Variants in RNLS observed in about 807,000 individuals in gnomAD.
RNLS encodes renalase.
In RNLS, 39 loss-of-function variants were observed where a neutral mutation model predicts 39.8. The observed-to-expected ratio is 0.98, with a 90% CI of 0.76 to 1.28. The LOEUF (loss-of-function observed/expected upper bound fraction) is 1.28, where lower values mean the gene tolerates loss of function less well. Among genes scored for constraint, RNLS ranks in the 50% most tolerant of loss-of-function variants. RNLS has a pLI of 0.00. For synonymous variants in RNLS, 147 were observed against 150.7 expected (o/e 0.98, Z 0.18); for missense variants, 410 against 413.3 (o/e 0.99, Z 0.07).
At chr10:88,187,207 A>T in the RNLS span, among the ~76,000 whole-genome samples, 43 of 87,880 alleles carry the variant, frequency 4.9e-4, no homozygotes, top group African/African-American at 1.9e-3. Flanking sequence ...ATATATATAT[A>T]ATATATATAT....
chr10:88,504,651 C>A (rs1467583917), intron 4 of RNLS, among the ~76,000 whole-genome samples: 2 of 152,010 alleles, frequency 1.3e-5, no homozygotes, highest in African/African-American at 4.8e-5. Context: ...GTTGATAATA[C>A]AAACAAAAAT....
chr10:88,369,039 TC>T (rs1462091089), intron 4 of RNLS, among the ~76,000 whole-genome samples: 1 of 152,168 alleles, frequency 6.6e-6, no homozygotes, highest in African/African-American at 2.4e-5. Context: ...AACAGTCTGT[TC>T]ATGTCATTTT....
intron 4 of RNLS, among the ~76,000 whole-genome samples, chr10:88,478,277 C>A (rs1024653773): frequency 1.3e-5 from 2 of 152,180 alleles, no homozygotes; most frequent in African/African-American, 4.8e-5. Context: ...CCATCTGACT[C>A]CCCACTTTCT....
rs1554872600 is a variant in RNLS, at chr10:88,366,662, T to TGAA, written c.527-3940_527-3938dup. ...AGATTAGGGGAGAAAGTAAGTTTTC[T>TGAA]GAAAAAAAAAAAAAAAAAAAAAAAA... On this transcript the variant is annotated intron_variant, in intron 4 of 6. Coordinates refer to ENST00000331772, the MANE Select transcript of RNLS (RefSeq NM_001031709.3). 3.4e-4 allele frequency among the ~76,000 whole-genome samples: 11 copies of TGAA among 32,248 alleles called. 1 individual carries two copies. Among genetic ancestry groups the TGAA allele is most frequent in the African/African-American group, 2.0e-3 (11 of 5,466 alleles). 21.2% of individuals were successfully genotyped at this position (32,248 alleles called of 152,430 possible).
chr10:88,582,180 C>A (rs757631254), intron 2 of RNLS, 22 bp downstream of exon 2: 2 of 1,569,142 alleles, frequency 1.3e-6, no homozygotes, highest in African/African-American at 1.4e-5. Flanking sequence ...AAGATTGATT[C>A]CACTCCTTGC....
chr10:88,556,060 C>T (rs911357544), intron 4 of RNLS, among the ~76,000 whole-genome samples: 1 of 152,154 alleles, frequency 6.6e-6, no homozygotes, highest in African/African-American at 2.4e-5. Context: ...AAACCCAATC[C>T]AAGACCAAAT....
chr10:88,223,175 C>G, the RNLS span, among the ~76,000 whole-genome samples: 5 of 152,244 alleles, frequency 3.3e-5, no homozygotes, highest in Non-Finnish European at 5.9e-5. Flanking sequence ...CTCCTTCTAT[C>G]CTGTTCTCTT....
At chr10:88,203,924 TAATG>T in the RNLS span, among the ~76,000 whole-genome samples, 14 of 152,046 alleles carry the variant, frequency 9.2e-5, no homozygotes, top group Non-Finnish European at 1.9e-4. Flanking sequence ...GCCACAATAA[TAATG>T]GTTAACATTT....
the RNLS span, among the ~76,000 whole-genome samples, chr10:88,180,474 A>G: frequency 6.6e-6 from 1 of 152,320 alleles, no homozygotes; most frequent in East Asian, 1.9e-4. Context: ...GAATTTCACT[A>G]TATCTTACAG....
intron 4 of RNLS, among the ~76,000 whole-genome samples, chr10:88,366,307 TA>T: frequency 6.6e-6 from 1 of 152,026 alleles, no homozygotes; most frequent in Non-Finnish European, 1.5e-5. Context: ...CCTTCTGTCT[TA>T]AAATTCTCAT....
chr10:88,463,762 A>C (rs1843059213), intron 4 of RNLS, among the ~76,000 whole-genome samples: 1 of 152,060 alleles, frequency 6.6e-6, no homozygotes, highest in Non-Finnish European at 1.5e-5. Context: ...TATTTGGCTA[A>C]AAAATAAAAT....
At chr10:88,278,401 C>T (rs1291994043) in intron 6 of RNLS, among the ~76,000 whole-genome samples, 2 of 152,156 alleles carry the variant, frequency 1.3e-5, no homozygotes, top group African/African-American at 4.8e-5. Flanking sequence ...GTGGGTGCAA[C>T]TAACTCTAGG....
At chr10:88,356,434 A>G (rs1849197436) in intron 5 of RNLS, among the ~76,000 whole-genome samples, 1 of 152,236 alleles carries the variant, frequency 6.6e-6, no homozygotes, top group South Asian at 2.1e-4. Context: ...TGGAATAATC[A>G]TGAACTCTTT....
At chr10:88,482,792 T>C (rs1016961931) in intron 4 of RNLS, among the ~76,000 whole-genome samples, 3 of 152,270 alleles carry the variant, frequency 2.0e-5, no homozygotes, top group Non-Finnish European at 4.4e-5. Flanking sequence ...ACCTTTTCCC[T>C]GAAAGTAGTT....
chr10:88,395,936 C>T (rs900260549), intron 4 of RNLS, among the ~76,000 whole-genome samples: 13 of 151,980 alleles, frequency 8.6e-5, no homozygotes, highest in African/African-American at 2.9e-4. Context: ...AGTGGCATGA[C>T]ATGCAAAAAG....
At chr10:88,316,266 T>G (rs1189164932) in intron 5 of RNLS, among the ~76,000 whole-genome samples, 1 of 152,236 alleles carries the variant, frequency 6.6e-6, no homozygotes, top group Non-Finnish European at 1.5e-5. Flanking sequence ...ATGTTCAATG[T>G]GTAACCTGTC....
chr10:88,358,285 G>A (rs977892028), intron 5 of RNLS, among the ~76,000 whole-genome samples: 2 of 152,130 alleles, frequency 1.3e-5, no homozygotes, highest in Non-Finnish European at 2.9e-5. Context: ...CTTCAGGAAC[G>A]AACCTCCCAC....
intron 4 of RNLS, among the ~76,000 whole-genome samples, chr10:88,513,171 C>T (rs979275293): frequency 6.6e-6 from 1 of 152,114 alleles, no homozygotes; most frequent in African/African-American, 2.4e-5. Context: ...ATTTTTTGCA[C>T]AGCCTTTCAG....
chr10:88,365,468 T>C (rs1358128641), intron 4 of RNLS, among the ~76,000 whole-genome samples: 1 of 151,368 alleles, frequency 6.6e-6, no homozygotes, highest in East Asian at 1.9e-4. Context: ...ATAATAAATC[T>C]TTACCTGGCT....
Sources: gnomAD v4.1 joint callset for allele counts (sites outside exome capture counted in the v4.1 genomes callset) on GRCh38, gnomAD v4.1.1 for gene constraint, MANE v1.5 for transcripts, NCBI Gene and HGNC (gene_info 2026-07-23, HGNC 2026-07-21) for gene names.